The following CACNB4 variants were observed in gnomAD, a reference collection of about 807,000 sequenced individuals.
CACNB4 encodes calcium voltage-gated channel auxiliary subunit beta 4.
In CACNB4, 32 loss-of-function variants were observed where a neutral mutation model predicts 71.2. That is an observed-to-expected ratio of 0.45 (90% CI 0.34 to 0.60). CACNB4 has a LOEUF of 0.60. Ranked by LOEUF, CACNB4 falls within the 20% of genes least tolerant of loss-of-function variation. The probability of loss-of-function intolerance (pLI) is 0.01; values close to 1 mark genes in which losing one functional copy is unlikely to be tolerated. For missense variants in CACNB4, 464 were observed against 647.9 expected (o/e 0.72, Z 3.08); for synonymous variants, 231 against 236.9 (o/e 0.97, Z 0.23).
chr2:151,880,857 C>T lies in CACNB4; in HGVS notation c.333G>A (p.Val111=), dbSNP rs749970352. 1.2e-6 allele frequency: 2 copies of T among 1,613,768 alleles called. No individual in the cohort carries two copies. The highest frequency in any genetic ancestry group is 1.7e-6 in the Non-Finnish European group (2 of 1,179,742). Residue 111 remains valine (V), a synonymous_variant, in exon 4 of 14, where the codon GTG becomes GTA. Coordinates refer to ENST00000539935, the MANE Select transcript of CACNB4 (RefSeq NM_000726.5). The part of the protein sequence containing the change: ...VSYCGALDED[V]PVPSTAISFD... ...AGGAGATAGCTGTGCTTGGAACAGG[C>T]ACATCCTCGTCCAGGGCGCCGCAGT...
At chr2:151,972,040 C>G (rs1164985924) in intron 2 of CACNB4, 1 of 149,066 alleles carries the variant, frequency 6.7e-6, no homozygotes, top group Admixed American at 6.6e-5. Flanking sequence ...CAGAAAAACT[C>G]AGCTGTCCTG....
At position 151,964,013 on chromosome 2, in the gene CACNB4, G is replaced by A. The variant is rs563517416; in HGVS notation, c.148-80643C>T. ...GAGCCCGGGAGACGGAGGTTGCAGCGAGCCAAGATCGTGCCACTGCACTCC... is the reference window on the plus strand; with the variant it reads ...GAGCCCGGGAGACGGAGGTTGCAGCAAGCCAAGATCGTGCCACTGCACTCC... On this transcript the variant is annotated intron_variant, in intron 2 of 13. Transcript: ENST00000539935. Among the ~76,000 whole-genome samples the A allele has an allele frequency of 6.9e-5, 10 of 144,258 alleles. No homozygotes were observed. The East Asian group carries it at 1.4e-3, about 20-fold the overall frequency. The allele number at this position is 144,258 out of a possible 152,430, so 94.6% of individuals were successfully genotyped here.
rs1411664063 is a variant in CACNB4, at chr2:152,098,166, G to A, written c.147+164C>T. ...GGACGCGAAGACGTCAAGAGCCCAGGCTAGAGGGAGAGGGACTGAGCCCGA... is the reference window on the plus strand; with the variant it reads ...GGACGCGAAGACGTCAAGAGCCCAGACTAGAGGGAGAGGGACTGAGCCCGA... On this transcript the variant is annotated intron_variant, in intron 2 of 13. Transcript: ENST00000539935. This position sits in a 1 kb window ranked among gnomAD's most constrained non-coding sequence, Gnocchi z 5.3. 6.6e-6 allele frequency among the ~76,000 whole-genome samples: 1 copy of A among 152,244 alleles called. No homozygotes were observed. The highest frequency in any genetic ancestry group is 1.5e-5 in the Non-Finnish European group (1 of 68,042).
At chr2:152,035,987 C>A (rs58248711) in intron 2 of CACNB4, among the ~76,000 whole-genome samples, 39,562 of 151,912 alleles carry the variant, frequency 0.26, 7,244 homozygotes, top group East Asian at 0.74. Context: ...TATTATTCAG[C>A]CTTAAAAAAG....
intron 2 of CACNB4, among the ~76,000 whole-genome samples, chr2:152,034,221 T>C (rs1684435658): frequency 6.6e-6 from 1 of 152,118 alleles, no homozygotes; most frequent in African/African-American, 2.4e-5. Context: ...TAAATTTCAT[T>C]TCAAATTAAA....
chr2:151,860,756 T>C lies in CACNB4; in HGVS notation c.823A>G (p.Ser275Gly). The part of the protein sequence containing the change: ...LAKRSVLNNP[S>G]KRAIIERSNT... ...GAACGTTCAATTATTGCTCTCTTGC[T>C]GGGATTATTTAGGACAGACCTCTTA... The change falls in exon 10 of 14, where the codon AGC becomes GGC. Residue 275 changes from serine (S) to glycine (G), a missense_variant. By Grantham distance (56) the Ser-to-Gly change is moderately conservative. Coordinates refer to ENST00000539935, the MANE Select transcript of CACNB4 (RefSeq NM_000726.5). 5.0e-6 allele frequency: 8 copies of C among 1,613,890 alleles called. No individual in the cohort carries two copies. The highest frequency in any genetic ancestry group is 6.8e-6 in the Non-Finnish European group (8 of 1,179,780).
intron 3 of CACNB4, among the ~76,000 whole-genome samples, chr2:151,881,688 T>G (rs2099847900): frequency 6.6e-6 from 1 of 152,214 alleles, no homozygotes; most frequent in Admixed American, 6.5e-5. Context: ...CCTGATATTC[T>G]GAGCTGCTTT....
At chr2:151,956,409 A>C (rs927175460) in intron 2 of CACNB4, among the ~76,000 whole-genome samples, 4 of 152,228 alleles carry the variant, frequency 2.6e-5, no homozygotes, top group African/African-American at 9.6e-5. Flanking sequence ...ATGGATCCTG[A>C]AAACATTATG....
intron 2 of CACNB4, among the ~76,000 whole-genome samples, chr2:152,045,773 C>A (rs534946145): frequency 3.9e-5 from 6 of 152,208 alleles, no homozygotes; most frequent in Non-Finnish European, 8.8e-5. Context: ...GTACCTTAGG[C>A]ATAGCTGTGC....
intron 2 of CACNB4, among the ~76,000 whole-genome samples, chr2:152,079,255 A>AT (rs1295544796): frequency 6.6e-6 from 1 of 151,258 alleles, no homozygotes; most frequent in Non-Finnish European, 1.5e-5. Flanking sequence ...CGCCCAGCTG[A>AT]TTTTTTGTAT....
intron 2 of CACNB4, chr2:151,973,521 C>T (rs1177277884): frequency 7.1e-6 from 5 of 707,114 alleles, no homozygotes; most frequent in Non-Finnish European, 9.6e-6. Flanking sequence ...AGAACATTTA[C>T]ACAGCAGCCA....
intron 2 of CACNB4, among the ~76,000 whole-genome samples, chr2:151,997,650 C>T (rs1019190095): frequency 1.2e-4 from 19 of 152,164 alleles, no homozygotes; most frequent in African/African-American, 3.1e-4. Context: ...GGAATGCTAA[C>T]GGCCACCAGA....
chr2:151,930,215 T>C (rs2099861294), intron 2 of CACNB4, among the ~76,000 whole-genome samples: 1 of 152,104 alleles, frequency 6.6e-6, no homozygotes, highest in Admixed American at 6.6e-5. Flanking sequence ...GGTGTTTGAA[T>C]ATGGTAAATG....
chr2:151,898,148 T>C (rs1160452256), intron 2 of CACNB4, among the ~76,000 whole-genome samples: 1 of 152,176 alleles, frequency 6.6e-6, no homozygotes, highest in Non-Finnish European at 1.5e-5. Flanking sequence ...CATCACCTTG[T>C]TTGGGAATAA....
chr2:151,979,909 G>A (rs993942149), intron 2 of CACNB4, among the ~76,000 whole-genome samples: 1 of 152,150 alleles, frequency 6.6e-6, no homozygotes, highest in Non-Finnish European at 1.5e-5. Context: ...GGAAGGAAAG[G>A]AACAGTGTCA....
intron 3 of CACNB4, among the ~76,000 whole-genome samples, chr2:151,882,646 C>G (rs931830436): frequency 6.6e-6 from 1 of 152,216 alleles, no homozygotes; most frequent in Non-Finnish European, 1.5e-5. Context: ...TCTTCTGGTT[C>G]TAACTTTCAA....
intron 2 of CACNB4, chr2:151,967,835 TGACA>T (rs2151719103): frequency 6.6e-6 from 1 of 151,126 alleles, no homozygotes; most frequent in East Asian, 1.9e-4. Flanking sequence ...ATATTTCTCA[TGACA>T]GACACAAAAG....
chr2:151,870,705 C>T (rs948946506), intron 7 of CACNB4, 94 bp from the exon 8 acceptor site: 62 of 1,290,928 alleles, frequency 4.8e-5, no homozygotes, highest in African/African-American at 3.4e-4. Flanking sequence ...TCAGGTTGAA[C>T]GACAAATGAT....
At chr2:152,046,197 G>C (rs367749842) in intron 2 of CACNB4, among the ~76,000 whole-genome samples, 5 of 152,200 alleles carry the variant, frequency 3.3e-5, no homozygotes, top group African/African-American at 1.2e-4. Context: ...TATATCATAT[G>C]GATTGTCCAT....
Sources: allele counts gnomAD v4.1 joint callset (sites outside exome capture counted in the v4.1 genomes callset), GRCh38; gene constraint gnomAD v4.1.1; non-coding constraint Gnocchi (gnomAD v3.1); transcripts MANE v1.5; gene names NCBI Gene and HGNC (gene_info 2026-07-23, HGNC 2026-07-21).